TEX9: variants seen among roughly 807,000 people sequenced by gnomAD.
The protein encoded by TEX9 is testis expressed 9, also known as testis-expressed protein 9.
In TEX9, 74 loss-of-function variants were observed where a neutral mutation model predicts 59.6. The observed-to-expected ratio is 1.24, with a 90% confidence interval of 1.03 to 1.51. The LOEUF (loss-of-function observed/expected upper bound fraction) is 1.51. Among genes scored for constraint, TEX9 ranks in the 40% most tolerant of loss-of-function variants. The pLI is 0.00. For synonymous variants in TEX9, 186 were observed against 152.2 expected (o/e 1.22, Z -1.64); for missense variants, 522 against 447.8 (o/e 1.17, Z -1.49).
intron 1 of TEX9, among the ~76,000 whole-genome samples, chr15:56,271,255 G>A (rs944295384): frequency 3.9e-5 from 6 of 152,050 alleles, no homozygotes; most frequent in African/African-American, 9.7e-5. Context: ...CATTCTCCCC[G>A]TCACTTTCAG....
chr15:56,433,419 A>AAATAC (rs2050653124), intron 12 of TEX9, among the ~76,000 whole-genome samples: 1 of 151,452 alleles, frequency 6.6e-6, no homozygotes, highest in Non-Finnish European at 1.5e-5. Flanking sequence ...CTGGAACTTA[A>AAATAC]AAATATTAAA....
intron 1 of TEX9, among the ~76,000 whole-genome samples, chr15:56,247,757 C>T (rs2043896017): frequency 6.6e-6 from 1 of 152,188 alleles, no homozygotes; most frequent in Non-Finnish European, 1.5e-5. Context: ...ATACATTTCA[C>T]TTCCACAAAG....
intron 1 of TEX9, among the ~76,000 whole-genome samples, chr15:56,306,464 G>A (rs1015527020): frequency 5.9e-5 from 9 of 152,098 alleles, no homozygotes; most frequent in African/African-American, 2.2e-4. Flanking sequence ...GCAACAACAT[G>A]GGTGGAACTG....
intron 9 of TEX9, among the ~76,000 whole-genome samples, chr15:56,401,308 C>CAAAAAAAAAAAAAAAAAAAAAAA (rs1207055803): frequency 4.3e-5 from 2 of 46,772 alleles, no homozygotes; most frequent in African/African-American, 1.0e-4. Context: ...AAATTGAAAG[C>CAAAAAAAAAAAAAAAAAAAAAAA]AAAAAAAAAA....
chr15:56,312,625 C>G (rs1344931578), intron 1 of TEX9, among the ~76,000 whole-genome samples: 1 of 145,664 alleles, frequency 6.9e-6, no homozygotes, highest in Admixed American at 6.8e-5. Context: ...CTTGGTGATG[C>G]GGGCTCTTTT....
chr15:56,377,106 T>C (rs1429925010), intron 3 of TEX9, among the ~76,000 whole-genome samples: 1 of 152,170 alleles, frequency 6.6e-6, no homozygotes, highest in African/African-American at 2.4e-5. Context: ...TCTGTTCCAT[T>C]GGTCTGTGTG....
intron 9 of TEX9, among the ~76,000 whole-genome samples, chr15:56,411,828 T>C (rs546061404): frequency 1.3e-5 from 2 of 152,296 alleles, no homozygotes; most frequent in African/African-American, 4.8e-5. Context: ...CTACTTAGAA[T>C]TGGGATTTTC....
At chr15:56,331,265 G>A (rs1205586361) in intron 1 of TEX9, among the ~76,000 whole-genome samples, 1 of 152,104 alleles carries the variant, frequency 6.6e-6, no homozygotes, top group African/African-American at 2.4e-5. Context: ...AAATCAGCAA[G>A]GAAACATCAG....
intron 10 of TEX9, among the ~76,000 whole-genome samples, 163 bp downstream of exon 10, chr15:56,412,599 T>A (rs1333549060): frequency 6.6e-6 from 1 of 152,126 alleles, no homozygotes; most frequent in African/African-American, 2.4e-5. Context: ...TTCTAACATG[T>A]TAGGATGATA....
At chr15:56,410,599 T>G (rs2049299495) in intron 9 of TEX9, among the ~76,000 whole-genome samples, 1 of 152,144 alleles carries the variant, frequency 6.6e-6, no homozygotes, top group African/African-American at 2.4e-5. Context: ...TATAGAAAAC[T>G]TTACTTCCTA....
At chr15:56,338,886 C>G (rs549496679) in intron 1 of TEX9, among the ~76,000 whole-genome samples, 1 of 152,052 alleles carries the variant, frequency 6.6e-6, no homozygotes, top group African/African-American at 2.4e-5. Flanking sequence ...CCATTGGTCT[C>G]CAGCCTGGGC....
In TEX9 at chr15:56,246,197, C is replaced by T. The variant is rs534763886; in HGVS notation, c.-107+1919C>T. ...GGTCACCCCAGCAGCCACTAGAGGG[C>T]TCACGAAGCTGCAGCCGCGGGCTGC... On this transcript the variant is annotated intron_variant, in intron 1 of 5. Coordinates refer to the TEX9 transcript ENST00000560827. Among the ~76,000 whole-genome samples, 16 of 152,322 alleles carry T rather than the reference C, an allele frequency of 1.1e-4. No homozygotes were observed. In the East Asian group the frequency reaches 3.1e-3, roughly 29 times the overall value.
chr15:56,403,630 A>G (rs1440795783), intron 9 of TEX9, among the ~76,000 whole-genome samples: 2 of 152,208 alleles, frequency 1.3e-5, no homozygotes, highest in African/African-American at 2.4e-5. Flanking sequence ...GGAAAAAACT[A>G]CTTTAAAGTT....
At position 56,329,601 on chromosome 15, in the gene TEX9, T is replaced by TA. The variant is rs536672913; in HGVS notation, c.-106-43832dup. 1.3e-3 allele frequency among the ~76,000 whole-genome samples: 196 copies of TA among 151,860 alleles called. 1 individual carries two copies. Among genetic ancestry groups the TA allele is most frequent in the African/African-American group, 4.5e-3 (188 of 41,388 alleles). On this transcript the variant is annotated intron_variant, in intron 1 of 5. Transcript: ENST00000560827. ...AATTTAACAAAGAGATGGAAATAGT[T>TA]AAAAAAAATCAAGCAGAAATTCTGG...
chr15:56,361,688 C>T (rs969468153), upstream of TEX9, among the ~76,000 whole-genome samples: 1 of 150,116 alleles, frequency 6.7e-6, no homozygotes, highest in Non-Finnish European at 1.5e-5. Flanking sequence ...AGGATGAGGT[C>T]ATTAGGGTGG....
intron 1 of TEX9, among the ~76,000 whole-genome samples, chr15:56,329,211 C>T (rs545431958): frequency 6.6e-6 from 1 of 152,278 alleles, no homozygotes; most frequent in Admixed American, 6.5e-5. Flanking sequence ...CTAGAAGAAC[C>T]ACAACATTAC....
chr15:56,349,417 A>G (rs1191614944), intron 1 of TEX9, among the ~76,000 whole-genome samples: 1 of 152,162 alleles, frequency 6.6e-6, no homozygotes. Flanking sequence ...CAGACTTTAT[A>G]CACATAATTT....
At position 56,300,686 on chromosome 15, in the gene TEX9, AGAGAGAGAGAGAGAGAGAGAGG is replaced by A. The variant is rs1248442605; in HGVS notation, c.-107+56430_-107+56451del. On this transcript the variant is annotated intron_variant, in intron 1 of 5. Coordinates refer to the TEX9 transcript ENST00000560827. Reference sequence around the variant, plus strand: ...CTCCTCCAGTTCCAAGCAACTCAGCAGAGAGAGAGAGAGAGAGAGAGGGAGAGAGAGAGAGAGAGAGAGAGAG... The same window carrying A: ...CTCCTCCAGTTCCAAGCAACTCAGCAGAGAGAGAGAGAGAGAGAGAGAGAG... 1.2e-4 allele frequency among the ~76,000 whole-genome samples: 5 copies of A among 40,654 alleles called. No homozygotes were observed. In the Admixed American group the frequency reaches 1.6e-3, roughly 13 times the overall value. The allele number at this position is 40,654 out of a possible 152,430, so 26.7% of individuals were successfully genotyped here.
chr15:56,274,917 C>T (rs1183436078), intron 1 of TEX9, among the ~76,000 whole-genome samples: 18 of 152,108 alleles, frequency 1.2e-4, no homozygotes, highest in African/African-American at 4.3e-4. Context: ...AGTTCCTAAT[C>T]CCACCCTCAG....
Sources: gnomAD v4.1 joint callset for allele counts (sites outside exome capture counted in the v4.1 genomes callset) on GRCh38, gnomAD v4.1.1 for gene constraint, MANE v1.5 for transcripts, NCBI Gene and HGNC (gene_info 2026-07-23, HGNC 2026-07-21) for gene names.